CD2AP: variants seen among roughly 807,000 people sequenced by gnomAD.
CD2AP encodes CD2-associated protein.
In CD2AP, 46 loss-of-function variants were observed where a neutral mutation model predicts 85.1. The observed-to-expected ratio is 0.54, with a 90% CI of 0.43 to 0.69. The LOEUF (loss-of-function observed/expected upper bound fraction) is 0.69. CD2AP is among the 30% of genes least tolerant of loss of function. The pLI is 0.00. For synonymous variants in CD2AP, 255 were observed against 252.9 expected (o/e 1.01, Z -0.08); for missense variants, 769 against 729.5 (o/e 1.05, Z -0.62).
intron 2 of CD2AP, among the ~76,000 whole-genome samples, chr6:47,532,408 C>T (rs947521617): frequency 1.3e-5 from 1 of 74,576 alleles, no homozygotes; most frequent in African/African-American, 4.4e-5. Context: ...CACACACACA[C>T]ACACACACAC....
At chr6:47,551,970 A>G (rs183611836) in intron 4 of CD2AP, among the ~76,000 whole-genome samples, 79 of 152,106 alleles carry the variant, frequency 5.2e-4, no homozygotes, top group African/African-American at 1.6e-3. Flanking sequence ...GCCCTTTACA[A>G]ACTAGCATCT....
rs1353031561 is a variant in CD2AP, at chr6:47,626,226, G to A, written c.*1999G>A. ...GGAAATGTATTTAAAGTTTTTGCTTGTGTCCTCCTCAGTCAGAATAGAAAA... is the reference window on the plus strand; with the variant it reads ...GGAAATGTATTTAAAGTTTTTGCTTATGTCCTCCTCAGTCAGAATAGAAAA... On this transcript the variant is annotated 3_prime_UTR_variant, in exon 18 of 18. Transcript: ENST00000359314. 6.6e-6 allele frequency: 1 copy of A among 151,828 alleles called. No individual in the cohort carries two copies. The highest frequency in any genetic ancestry group is 6.6e-5 in the Admixed American group (1 of 15,250). 9.4% of individuals were successfully genotyped at this position (151,828 alleles called of 1,614,324 possible).
chr6:47,497,027 C>T (rs1765873480), intron 1 of CD2AP, among the ~76,000 whole-genome samples: 1 of 152,114 alleles, frequency 6.6e-6, no homozygotes, highest in Non-Finnish European at 1.5e-5. Flanking sequence ...TTTATAATAT[C>T]AAGGCTGTTA....
At chr6:47,622,805 C>T (rs1320668693) in intron 17 of CD2AP, among the ~76,000 whole-genome samples, 1 of 152,174 alleles carries the variant, frequency 6.6e-6, no homozygotes, top group African/African-American at 2.4e-5. Context: ...CAATGCGAGT[C>T]TCCGCATGCT....
chr6:47,512,152 C>T lies in CD2AP; in HGVS notation c.165+8712C>T, dbSNP rs530299570. Among the ~76,000 whole-genome samples the T allele has an allele frequency of 4.6e-4, 67 of 144,402 alleles. No individual in the cohort carries two copies. The South Asian group carries it at 6.0e-3, about 13-fold the overall frequency. 94.7% of individuals were successfully genotyped at this position (144,402 alleles called of 152,430 possible). On this transcript the variant is annotated intron_variant, in intron 2 of 17. Transcript: ENST00000359314. ...CAGCCTGGGCAACAGAGCGAGACTC[C>T]GTCTGAAAAAAAAAATATATATAAA...
intron 1 of CD2AP, among the ~76,000 whole-genome samples, chr6:47,482,189 G>T (rs1765463008): frequency 6.6e-6 from 1 of 152,092 alleles, no homozygotes; most frequent in African/African-American, 2.4e-5. Context: ...GGAAATTTTT[G>T]TTTCAAAGTT....
intron 5 of CD2AP, among the ~76,000 whole-genome samples, chr6:47,564,826 T>A (rs187095686): frequency 6.9e-4 from 103 of 149,824 alleles, no homozygotes; most frequent in African/African-American, 2.2e-3. Context: ...TCGTAGCTGT[T>A]AGAAAAATTA....
chr6:47,502,556 C>T (rs1004133343), intron 1 of CD2AP, among the ~76,000 whole-genome samples: 28 of 149,354 alleles, frequency 1.9e-4, no homozygotes, highest in African/African-American at 6.9e-4. Context: ...TGCAGTAGCA[C>T]GTTCTTGGCT....
chr6:47,599,475 A>G (rs777465765), intron 13 of CD2AP, 32 bp downstream of exon 13: 22 of 977,194 alleles, frequency 2.3e-5, no homozygotes, highest in African/African-American at 3.5e-5. Context: ...TGGTGCATTT[A>G]AAAAAAAAAA....
At chr6:47,528,494 G>A (rs1357948041) in intron 2 of CD2AP, among the ~76,000 whole-genome samples, 1 of 152,132 alleles carries the variant, frequency 6.6e-6, no homozygotes, top group Non-Finnish European at 1.5e-5. Context: ...ATTATATATG[G>A]AACTTATATA....
At chr6:47,511,924 C>G (rs1157406232) in intron 2 of CD2AP, among the ~76,000 whole-genome samples, 1 of 151,798 alleles carries the variant, frequency 6.6e-6, no homozygotes, top group Non-Finnish European at 1.5e-5. Flanking sequence ...TTTGGGAGGC[C>G]GAGGTGGGCG....
chr6:47,585,148 A>T (rs964643546), intron 11 of CD2AP, among the ~76,000 whole-genome samples: 1 of 151,722 alleles, frequency 6.6e-6, no homozygotes, highest in Non-Finnish European at 1.5e-5. Flanking sequence ...AATAAAAAAA[A>T]AAAAACCAGC....
Position 47,541,724 on chromosome 6 carries a change from C to T in CD2AP, c.320-2882C>T, listed in dbSNP as rs1246029177. Among the ~76,000 whole-genome samples, 7 of 152,216 alleles carry T rather than the reference C, an allele frequency of 4.6e-5. No homozygotes were observed. In the East Asian group the frequency reaches 1.2e-3, roughly 25 times the overall value. ...GGTAACTGTAGTGGTTTTCTAGTTC[C>T]GCATTGTAATTTTATGGCCCAGGAA... On this transcript the variant is annotated intron_variant, in intron 3 of 17. Coordinates refer to ENST00000359314, the MANE Select transcript of CD2AP (RefSeq NM_012120.3).
At chr6:47,569,947 C>G (rs1477943749) in intron 5 of CD2AP, among the ~76,000 whole-genome samples, 3 of 152,094 alleles carry the variant, frequency 2.0e-5, no homozygotes, top group African/African-American at 7.2e-5. Flanking sequence ...TAAGTTATTG[C>G]TAACAGCCAG....
intron 2 of CD2AP, among the ~76,000 whole-genome samples, chr6:47,504,506 A>G (rs892947278): frequency 6.6e-6 from 1 of 152,242 alleles, no homozygotes; most frequent in African/African-American, 2.4e-5. Flanking sequence ...GTATTTGCAT[A>G]TAACCTATGC....
rs1768751844 is a variant in CD2AP, at chr6:47,590,137, A to G, written c.1109-5724A>G. Reference sequence around the variant, plus strand: ...TAGATATGACACATGGCTAGAAACCAAGAACAACAGACAATGGAACCTGGC... The same window carrying G: ...TAGATATGACACATGGCTAGAAACCGAGAACAACAGACAATGGAACCTGGC... On this transcript the variant is annotated intron_variant, in intron 11 of 17. Transcript: ENST00000359314. Among the ~76,000 whole-genome samples the G allele has an allele frequency of 2.0e-5, 3 of 152,234 alleles. No individual in the cohort carries two copies. In the South Asian group the frequency reaches 6.2e-4, roughly 32 times the overall value.
chr6:47,483,341 T>G (rs934554615), intron 1 of CD2AP, among the ~76,000 whole-genome samples: 1 of 152,116 alleles, frequency 6.6e-6, no homozygotes, highest in Non-Finnish European at 1.5e-5. Flanking sequence ...CGTGTACATG[T>G]ATGTGGAACA....
chr6:47,542,784 G>C (rs553882036), intron 3 of CD2AP, among the ~76,000 whole-genome samples: 24 of 152,268 alleles, frequency 1.6e-4, no homozygotes, highest in Admixed American at 1.5e-3. Flanking sequence ...GGTGCTGGGT[G>C]GATTGCAGAA....
intron 5 of CD2AP, among the ~76,000 whole-genome samples, chr6:47,569,769 T>G (rs1027462377): frequency 6.6e-6 from 1 of 152,104 alleles, no homozygotes; most frequent in African/African-American, 2.4e-5. Flanking sequence ...AGATAGAAAT[T>G]TGTTAGTCTG....
Sources: gnomAD v4.1 joint callset for allele counts (sites outside exome capture counted in the v4.1 genomes callset) on GRCh38, gnomAD v4.1.1 for gene constraint, MANE v1.5 for transcripts, NCBI Gene and HGNC (gene_info 2026-07-23, HGNC 2026-07-21) for gene names.